Variants in TTC7B observed in about 807,000 individuals in gnomAD.
TTC7B encodes tetratricopeptide repeat domain 7B.
In TTC7B, 28 loss-of-function variants were observed where a neutral mutation model predicts 106.8. The observed-to-expected ratio is 0.26, with a 90% CI of 0.19 to 0.36. The LOEUF is 0.36. TTC7B is among the 10% of genes least tolerant of loss of function. The probability of loss-of-function intolerance (pLI) is 1.00; values close to 1 mark genes in which losing one functional copy is unlikely to be tolerated. For synonymous variants in TTC7B, 405 were observed against 430.6 expected, an observed-to-expected ratio of 0.94 and a Z score of 0.74; for missense variants, 862 against 1,076.4, an observed-to-expected ratio of 0.80 and a Z score of 2.79.
chr14:90,728,388 C>T (rs968369659), intron 5 of TTC7B, among the ~76,000 whole-genome samples: 1 of 150,564 alleles, frequency 6.6e-6, no homozygotes, highest in Non-Finnish European at 1.5e-5. Context: ...TGGCCCAATC[C>T]CATCACTGGT....
At chr14:90,679,303 C>T (rs1465516867) in intron 8 of TTC7B, among the ~76,000 whole-genome samples, 1 of 152,204 alleles carries the variant, frequency 6.6e-6, no homozygotes, top group African/African-American at 2.4e-5. Context: ...AAGAAAGCTG[C>T]CCTCTCATGA....
Position 90,534,454 on chromosome 14 carries a change from A to T in TTC7B, c.*6914T>A, listed in dbSNP as rs1331936656. On this transcript the variant is annotated 3_prime_UTR_variant, in exon 20 of 20. Transcript: ENST00000328459. Reference sequence around the variant, plus strand: ...TGTGGCTGCTTCTGGAGTAGGCAGGATGGACAGGGCAAGCAGACGCTAGGG... The same window carrying T: ...TGTGGCTGCTTCTGGAGTAGGCAGGTTGGACAGGGCAAGCAGACGCTAGGG... 6.6e-6 allele frequency: 1 copy of T among 152,510 alleles called. No homozygotes were observed. The highest frequency in any genetic ancestry group is 1.5e-5 in the Non-Finnish European group (1 of 68,290). 9.4% of individuals were successfully genotyped at this position (152,510 alleles called of 1,614,324 possible).
At chr14:90,555,006 C>A (rs1362944680) in intron 19 of TTC7B, among the ~76,000 whole-genome samples, 2 of 152,164 alleles carry the variant, frequency 1.3e-5, no homozygotes, top group Non-Finnish European at 2.9e-5. Context: ...GGGTACCTCA[C>A]TCCAGGTCAG....
chr14:90,659,575 G>A (rs1886101787), intron 9 of TTC7B, among the ~76,000 whole-genome samples: 1 of 152,136 alleles, frequency 6.6e-6, no homozygotes. Flanking sequence ...GGATCTGGGT[G>A]GGAGGGCATG....
intron 5 of TTC7B, among the ~76,000 whole-genome samples, chr14:90,702,957 C>T (rs549191560): frequency 2.6e-5 from 4 of 152,266 alleles, no homozygotes; most frequent in Admixed American, 2.0e-4. Context: ...GCACAGTGAG[C>T]GTGTGGAGAC....
At chr14:90,595,849 T>G (rs1158188661) in intron 17 of TTC7B, among the ~76,000 whole-genome samples, 1 of 152,206 alleles carries the variant, frequency 6.6e-6, no homozygotes, top group Admixed American at 6.5e-5. Flanking sequence ...TGAGAACCAC[T>G]CGCTTGGAGA....
chr14:90,698,781 G>A (rs1887868309), intron 5 of TTC7B: 1 of 157,584 alleles, frequency 6.3e-6, no homozygotes, highest in Non-Finnish European at 1.4e-5. Context: ...CGTTCCGCCT[G>A]ACAGGCAAAG....
In TTC7B at chr14:90,598,843, T is replaced by A. The variant is rs1321114892; in HGVS notation, c.1967-5217A>T. Among the ~76,000 whole-genome samples the A allele has an allele frequency of 2.0e-5, 3 of 152,204 alleles. No individual in the cohort carries two copies. The East Asian group carries it at 5.8e-4, about 29-fold the overall frequency. ...TCATCCAAAGGGATCCCAGCACCAA[T>A]AATTCTGTTAAGAAAAGGCACAGGC... On this transcript the variant is annotated intron_variant, in intron 17 of 19. Transcript: ENST00000328459.
At chr14:90,735,672 A>AAG (rs2139993753) in intron 4 of TTC7B, among the ~76,000 whole-genome samples, 1 of 152,256 alleles carries the variant, frequency 6.6e-6, no homozygotes, top group East Asian at 1.9e-4. Context: ...CAGCCTGGGC[A>AAG]ACACAGCGAA....
intron 15 of TTC7B, 63 bp from the exon 16 acceptor site, chr14:90,618,108 A>ACTTGTCTTGCTGGG: frequency 8.0e-7 from 1 of 1,255,530 alleles, no homozygotes; most frequent in Non-Finnish European, 1.2e-6. Flanking sequence ...CCATCCCAGC[A>ACTTGTCTTGCTGGG]AGACAAGTGG....
intron 5 of TTC7B, among the ~76,000 whole-genome samples, chr14:90,716,074 A>G (rs1888644587): frequency 6.6e-6 from 1 of 152,208 alleles, no homozygotes; most frequent in Non-Finnish European, 1.5e-5. Context: ...CAGAGGGACC[A>G]CTGCAACTGG....
intron 4 of TTC7B, among the ~76,000 whole-genome samples, chr14:90,738,258 A>T (rs1889621446): frequency 6.6e-6 from 1 of 152,204 alleles, no homozygotes; most frequent in African/African-American, 2.4e-5. Context: ...TTTAAACAAT[A>T]GCAGCCCTGT....
chr14:90,616,925 T>G (rs1893107244), intron 16 of TTC7B, among the ~76,000 whole-genome samples: 2 of 152,230 alleles, frequency 1.3e-5, no homozygotes, highest in South Asian at 4.1e-4. Context: ...AAAAATACTC[T>G]GAGTATTGGA....
Position 90,798,732 on chromosome 14 carries a change from A to AAAAAAC in TTC7B, c.122-12405_122-12404insGTTTTT, listed in dbSNP as rs869302614. On this transcript the variant is annotated intron_variant, in intron 1 of 19. Coordinates refer to ENST00000328459, the MANE Select transcript of TTC7B (RefSeq NM_001010854.2). ...CTCAAAAAAAAAAAAAAAAAAAAAA[A>AAAAAAC]CACGCAATAACATGTTTTCTTATAA... 3.1e-3 allele frequency among the ~76,000 whole-genome samples: 458 copies of AAAAAAC among 146,790 alleles called. 1 individual carries two copies. Among genetic ancestry groups the AAAAAAC allele is most frequent in the Non-Finnish European group, 5.7e-3 (371 of 65,638 alleles).
intron 15 of TTC7B, among the ~76,000 whole-genome samples, chr14:90,627,232 TA>T (rs1051311389): frequency 6.6e-6 from 1 of 152,138 alleles, no homozygotes; most frequent in Non-Finnish European, 1.5e-5. Context: ...GAGATCCTCC[TA>T]CCTCGGCCTC....
chr14:90,707,472 G>C (rs1024148488), intron 5 of TTC7B, among the ~76,000 whole-genome samples: 3 of 152,250 alleles, frequency 2.0e-5, no homozygotes, highest in Admixed American at 2.0e-4. Context: ...ATTAAGATTA[G>C]TGAGGAAGGT....
chr14:90,548,846 G>A (rs1003932189), intron 19 of TTC7B, among the ~76,000 whole-genome samples: 11 of 152,186 alleles, frequency 7.2e-5, no homozygotes, highest in Non-Finnish European at 1.0e-4. Flanking sequence ...TCTCAGCATC[G>A]GCTGGGTGCA....
intron 5 of TTC7B, among the ~76,000 whole-genome samples, chr14:90,718,209 C>A (rs1226970913): frequency 6.6e-6 from 1 of 152,164 alleles, no homozygotes; most frequent in African/African-American, 2.4e-5. Context: ...ACAACTAAAC[C>A]AGGGAAGATG....
intron 17 of TTC7B, among the ~76,000 whole-genome samples, chr14:90,598,876 G>A (rs982592200): frequency 2.3e-4 from 35 of 152,342 alleles, no homozygotes; most frequent in African/African-American, 7.9e-4. Flanking sequence ...GGCTGGGCGT[G>A]GTGGCTCACG....
Sources: gnomAD v4.1 joint callset for allele counts (sites outside exome capture counted in the v4.1 genomes callset) on GRCh38, gnomAD v4.1.1 for gene constraint, MANE v1.5 for transcripts, NCBI Gene and HGNC (gene_info 2026-07-23, HGNC 2026-07-21) for gene names.